Variants in PXDN observed in about 807,000 individuals in gnomAD.
The protein encoded by PXDN is peroxidasin homolog.
In PXDN, 77 loss-of-function variants were observed where a neutral mutation model predicts 140.3. The ratio of observed to expected loss-of-function variants is 0.55; its 90% CI spans 0.46 to 0.66. The LOEUF (loss-of-function observed/expected upper bound fraction) is 0.66. Among genes scored for constraint, PXDN ranks in the 30% least tolerant of loss-of-function variants. The pLI is 0.00. For synonymous variants in PXDN, 911 were observed against 857.4 expected (o/e 1.06, Z -1.09); for missense variants, 1,838 against 2,039.5 (o/e 0.90, Z 1.90).
At chr2:1,677,665 G>A (rs1447057474) in intron 7 of PXDN, among the ~76,000 whole-genome samples, 1 of 152,118 alleles carries the variant, frequency 6.6e-6, no homozygotes, top group African/African-American at 2.4e-5. Context: ...GAGGGCTGAC[G>A]GCTCCCAGGC....
chr2:1,728,330 T>C (rs1473308252), intron 1 of PXDN, among the ~76,000 whole-genome samples: 4 of 152,244 alleles, frequency 2.6e-5, no homozygotes, highest in Admixed American at 6.5e-5. Context: ...GGGCACCTGC[T>C]GGCAGGGTCC....
chr2:1,663,399 T>C (rs1683351237), intron 12 of PXDN, among the ~76,000 whole-genome samples: 2 of 152,064 alleles, frequency 1.3e-5, no homozygotes, highest in Non-Finnish European at 2.9e-5. Flanking sequence ...AATAAGCAAA[T>C]GTTTTCACCC....
chr2:1,691,807 A>T, intron 3 of PXDN, 121 bp downstream of exon 3: 1 of 654,132 alleles, frequency 1.5e-6, no homozygotes, highest in Non-Finnish European at 2.5e-6. Context: ...CCTTCTCAAA[A>T]TAAAACCTCA....
chr2:1,713,267 T>C (rs551592980), intron 1 of PXDN, among the ~76,000 whole-genome samples: 1 of 152,310 alleles, frequency 6.6e-6, no homozygotes, highest in East Asian at 1.9e-4. Context: ...TCTAATTTTC[T>C]GCACCAACGA....
chr2:1,702,035 C>G (rs767857817), intron 1 of PXDN, among the ~76,000 whole-genome samples: 21 of 152,220 alleles, frequency 1.4e-4, no homozygotes, highest in Non-Finnish European at 2.8e-4. Flanking sequence ...TCCTCAGAGA[C>G]GCCTGAACGG....
intron 1 of PXDN, among the ~76,000 whole-genome samples, chr2:1,736,953 G>C (rs564297485): frequency 6.6e-6 from 1 of 152,170 alleles, no homozygotes; most frequent in Non-Finnish European, 1.5e-5. Flanking sequence ...AGATGCTCCC[G>C]AAGGCTCCTC....
rs1683438051 is a variant in PXDN, at chr2:1,666,280, C to T, written c.1225G>A (p.Glu409Lys). The T allele has an allele frequency of 1.2e-6, 2 of 1,613,934 alleles. No individual in the cohort carries two copies. Among genetic ancestry groups the T allele is most frequent in the Non-Finnish European group, 1.7e-6 (2 of 1,179,914 alleles). The change falls in exon 10 of 23, where the codon GAG becomes AAG. Residue 409 changes from glutamate (E) to lysine (K), a missense_variant. Glu to Lys is a moderately conservative substitution (Grantham distance 56). This residue lies in a region of PXDN where 537 missense variants were observed against 583.9 expected (regional missense o/e 0.92). Coordinates refer to ENST00000252804, the MANE Select transcript of PXDN (RefSeq NM_012293.3). ...IQNVVQGDSG[E>K]YACSATNNID... ...TTGTTGGTCGCAGAGCACGCATACT[C>T]TCCGCTGTCCCCCTGTACGACGTTC...
intron 21 of PXDN, among the ~76,000 whole-genome samples, chr2:1,638,351 C>T (rs906446995): frequency 3.9e-5 from 6 of 152,082 alleles, no homozygotes; most frequent in African/African-American, 1.4e-4. Flanking sequence ...TTCCACAGAG[C>T]GCCAGAGAAG....
In PXDN at chr2:1,680,373, G is replaced by A. The variant is rs776863350; in HGVS notation, c.561-11C>T. 2.5e-6 allele frequency: 4 copies of A among 1,613,872 alleles called. No homozygotes were observed. The highest frequency in any genetic ancestry group is 1.6e-4 in the Middle Eastern group (1 of 6,062). ...TTTGAGTCCAGTCGCCTGTGGGAAG[G>A]AAGATGCAGCCGGTGAGACATGGGG... On this transcript the variant is annotated splice_polypyrimidine_tract_variant and intron_variant, in intron 6 of 22. Coordinates refer to ENST00000252804, the MANE Select transcript of PXDN (RefSeq NM_012293.3).
intron 1 of PXDN, among the ~76,000 whole-genome samples, chr2:1,698,559 A>T (rs1684348717): frequency 6.6e-6 from 1 of 152,210 alleles, no homozygotes; most frequent in Non-Finnish European, 1.5e-5. Flanking sequence ...TTTAGAAACT[A>T]AGAAAGATCA....
chr2:1,736,864 T>G (rs13012078), intron 1 of PXDN, among the ~76,000 whole-genome samples: 17,237 of 152,206 alleles, frequency 0.11, 1,290 homozygotes, highest in Non-Finnish European at 0.16. Flanking sequence ...AGTTTTGTTA[T>G]CTCATGTGGA....
chr2:1,692,093 A>G lies in PXDN; in HGVS notation c.273-94T>C, dbSNP rs1361464889. ...TTCCGACAGCCTTGGAAAAGGTCAC[A>G]TTGACAATTCAGTTACAGCCTCGCC... On this transcript the variant is annotated intron_variant, in intron 2 of 22. Transcript: ENST00000252804. 8.8e-6 allele frequency: 8 copies of G among 912,562 alleles called. No homozygotes were observed. In the African/African-American group the frequency reaches 1.2e-4, roughly 14 times the overall value. 56.5% of individuals were successfully genotyped at this position (912,562 alleles called of 1,614,324 possible).
intron 1 of PXDN, 149 bp from the exon 2 acceptor site, chr2:1,693,283 G>A (rs1421111044): frequency 4.8e-6 from 3 of 631,318 alleles, no homozygotes; most frequent in Non-Finnish European, 8.2e-6. Flanking sequence ...CTTTTTCACT[G>A]AGGCTAGTAA....
At chr2:1,652,292 G>A (rs918546316) in intron 16 of PXDN, among the ~76,000 whole-genome samples, 5 of 152,130 alleles carry the variant, frequency 3.3e-5, no homozygotes, top group African/African-American at 1.2e-4. Flanking sequence ...GTAGGGAGTA[G>A]CAAGAAATTA....
chr2:1,696,577 A>C (rs1260074581), intron 1 of PXDN, among the ~76,000 whole-genome samples: 1 of 152,240 alleles, frequency 6.6e-6, no homozygotes, highest in East Asian at 1.9e-4. Context: ...ACTCAACATT[A>C]GAAATGATCT....
At chr2:1,716,603 T>C (rs1395588604) in intron 1 of PXDN, among the ~76,000 whole-genome samples, 1 of 152,086 alleles carries the variant, frequency 6.6e-6, no homozygotes, top group Non-Finnish European at 1.5e-5. Context: ...GGACACCCTC[T>C]ACCTGGGGCA....
At chr2:1,712,738 T>C (rs1317644851) in intron 1 of PXDN, among the ~76,000 whole-genome samples, 1 of 152,218 alleles carries the variant, frequency 6.6e-6, no homozygotes, top group East Asian at 1.9e-4. Context: ...TTTCTTTTTT[T>C]TTGGAGACGG....
At position 1,659,971 on chromosome 2, in the gene PXDN, C is replaced by T. The variant is rs542405713; in HGVS notation, c.1837+910G>A. On this transcript the variant is annotated intron_variant, in intron 14 of 22. Coordinates refer to ENST00000252804, the MANE Select transcript of PXDN (RefSeq NM_012293.3). ...CAAAAATAGAGTCACAGTGGAGGCC[C>T]GGGGGAAGGCCAGCGCCTGCGGGGA... is the stretch of plus-strand genomic sequence containing the variant. Among the ~76,000 whole-genome samples the T allele has an allele frequency of 1.9e-4, 29 of 152,218 alleles. No individual in the cohort carries two copies. In the South Asian group the frequency reaches 2.9e-3, roughly 15 times the overall value.
At chr2:1,635,374 C>G in intron 22 of PXDN, 34 bp downstream of exon 22, 2 of 1,534,110 alleles carry the variant, frequency 1.3e-6, no homozygotes, top group East Asian at 2.4e-5. Flanking sequence ...TTGCGTATAC[C>G]TTAGGACATG....
Sources: allele counts gnomAD v4.1 joint callset (sites outside exome capture counted in the v4.1 genomes callset), GRCh38; gene constraint gnomAD v4.1.1; regional missense constraint gnomAD v4.1.1; transcripts MANE v1.5; gene names NCBI Gene and HGNC (gene_info 2026-07-23, HGNC 2026-07-21).